The following NEU4 variants were observed in gnomAD, a reference collection of about 807,000 sequenced individuals.
NEU4 encodes neuraminidase 4.
NEU4 carries 7 observed loss-of-function variants against 9.9 expected under a neutral mutation model. The observed-to-expected ratio is 0.71, with a 90% CI of 0.40 to 1.33. The LOEUF is 1.33. NEU4 is among the 40% of genes most tolerant of loss of function. NEU4 has a pLI of 0.01. For synonymous variants in NEU4, 348 were observed against 316.9 expected (o/e 1.10, Z -1.04); for missense variants, 717 against 712.6 (o/e 1.01, Z -0.07).
At chr2:241,811,617 C>T (rs1453598884) in intron 1 of NEU4, 2 of 545,202 alleles carry the variant, frequency 3.7e-6, no homozygotes, top group African/African-American at 3.9e-5. Context: ...GGTGGCTCCT[C>T]AGCTCTCAAA....
chr2:241,816,317 C>G lies in NEU4; in HGVS notation c.724C>G (p.Arg242Gly). Residue 242 changes from arginine to glycine, a missense_variant, in exon 4 of 4, where the codon CGG becomes GGG. Coordinates refer to ENST00000407683, the MANE Select transcript of NEU4 (RefSeq NM_001167600.3). Reference protein sequence around the residue: ...QAGSFLYCNARSPLGSRVQAL... With the variant: ...QAGSFLYCNAGSPLGSRVQAL... ...CGGCAGCTTCCTCTACTGCAATGCC[C>G]GGAGCCCACTGGGCAGCCGTGTGCA... 1 of 1,577,138 alleles carries G rather than the reference C, an allele frequency of 6.3e-7. No individual in the cohort carries two copies. Among genetic ancestry groups the G allele is most frequent in the Non-Finnish European group, 8.6e-7 (1 of 1,163,562 alleles).
At chr2:241,811,691 A>G (rs901841692) in intron 1 of NEU4, 9 of 397,202 alleles carry the variant, frequency 2.3e-5, no homozygotes, top group African/African-American at 1.2e-4. Context: ...GCATCTCCCA[A>G]TGGGACACTT....
At chr2:241,811,313 G>T in intron 1 of NEU4, 1 of 1,329,492 alleles carries the variant, frequency 7.5e-7, no homozygotes. Flanking sequence ...GTGGAGCCGT[G>T]CCACCGTGGG....
At position 241,816,000 on chromosome 2, in the gene NEU4, C is replaced by CCGACCT. The variant is rs576082160; in HGVS notation, c.458-48_458-43dup. 5,041 of 1,507,766 alleles carry CCGACCT rather than the reference C, an allele frequency of 3.3e-3. 21 individuals carry two copies. The highest frequency in any genetic ancestry group is 3.9e-3 in the Middle Eastern group (18 of 4,626). 93.4% of individuals were successfully genotyped at this position (1,507,766 alleles called of 1,614,324 possible). A position where few individuals can be genotyped will look rare whatever the true frequency, so the allele number is the denominator to read the frequency against. ...TCCCCCTGTGCCTTCCTCCAGCCCC[C>CCGACCT]CGACCTCGGGGACCCAGCAGCCCCT... On this transcript the variant is annotated intron_variant, in intron 3 of 3. Transcript: ENST00000407683.
At chr2:241,811,499 C>T (rs939760675) in intron 1 of NEU4, 1 of 1,478,978 alleles carries the variant, frequency 6.8e-7, no homozygotes, top group Non-Finnish European at 9.1e-7. Flanking sequence ...CACCCTCACC[C>T]CTCTACCCGG....
chr2:241,817,026 G>C lies in NEU4; in HGVS notation c.1433G>C (p.Arg478Pro), dbSNP rs764606838. The stretch of plus-strand genomic sequence containing the variant: ...CCGCCCAACCTTGGGGACAAGCCTC[G>C]GGGGTGCTGCTGGCCCTCCTGACAG... ...PKPPNLGDKP[R>P]GCCWPS is the part of the protein sequence containing the mutation. The change falls in exon 4 of 4, where the codon CGG becomes CCG. Residue 478 changes from arginine (R) to proline (P), a missense_variant. By Grantham distance (103) the Arg-to-Pro change is moderately radical. Transcript: ENST00000407683. 1.5e-4 allele frequency: 240 copies of C among 1,598,356 alleles called. No individual in the cohort carries two copies. Among genetic ancestry groups the C allele is most frequent in the Non-Finnish European group, 1.9e-4 (222 of 1,172,848 alleles).
intron 3 of NEU4, 56 bp from the exon 4 acceptor site, chr2:241,815,995 G>A: frequency 6.7e-7 from 1 of 1,486,146 alleles, no homozygotes; most frequent in South Asian, 1.3e-5. Flanking sequence ...CCTTCCTCCA[G>A]CCCCCCGACC....
In NEU4 at chr2:241,816,770, G is replaced by T; in HGVS notation, c.1177G>T (p.Gly393Cys). 1 of 1,584,942 alleles carries T rather than the reference G, an allele frequency of 6.3e-7. No individual in the cohort carries two copies. Among genetic ancestry groups the T allele is most frequent in the African/African-American group, 1.3e-5 (1 of 74,286 alleles). The change falls in exon 4 of 4, where the codon GGT (glycine) becomes TGT (cysteine). Residue 393 changes from glycine (G) to cysteine (C), a missense_variant. Transcript: ENST00000407683. Reference protein sequence around the residue: ...PVGRRARLHMGIRLSQSPLDP... With the variant: ...PVGRRARLHMCIRLSQSPLDP... ...GGGGCGCAGGGCTCGGCTACACATG[G>T]GTATCCGCCTGAGCCAGTCCCCGCT...
At chr2:241,815,684 C>T (rs1219083763) in intron 3 of NEU4, 1 of 530,850 alleles carries the variant, frequency 1.9e-6, no homozygotes, top group Non-Finnish European at 3.6e-6. Context: ...CCACCCCATC[C>T]TCTGTGGCCA....
At position 241,816,959 on chromosome 2, in the gene NEU4, TC is replaced by T. The variant is rs751664805; in HGVS notation, c.1369del (p.Leu457CysfsTer107). ...TGATGAGATTTCCTTTTGTACATTC[TC>T]CCTGCGTGAGGTCCTGGAGAACGTG... ...SYDEISFCTF[S>X]LREVLENVPA... On this transcript the variant is annotated frameshift_variant, in exon 4 of 4. Transcript: ENST00000407683. LOFTEE classifies it low-confidence loss of function (END_TRUNC). 3 of 1,612,660 alleles carry T rather than the reference TC, an allele frequency of 1.9e-6. No individual in the cohort carries two copies. Among genetic ancestry groups the T allele is most frequent in the South Asian group, 2.2e-5 (2 of 91,054 alleles).
chr2:241,812,247 A>AC (rs1273337313), intron 1 of NEU4, among the ~76,000 whole-genome samples: 10 of 151,534 alleles, frequency 6.6e-5, no homozygotes, highest in Admixed American at 1.3e-4. Context: ...AGCCAGAGTG[A>AC]CCCCTACAAC....
Position 241,815,097 on chromosome 2 carries a change from G to A in NEU4, c.407G>A (p.Trp136Ter), listed in dbSNP as rs767947730. 6.3e-6 allele frequency: 10 copies of A among 1,579,168 alleles called. No individual in the cohort carries two copies. The African/African-American group carries it at 1.2e-4, about 19-fold the overall frequency. Residue 136 changes from tryptophan to a stop codon, truncating the protein, a stop_gained, in exon 3 of 4, where the codon TGG becomes TAG. Transcript: ENST00000407683. LOFTEE classifies it low-confidence loss of function (END_TRUNC). The stretch of plus-strand genomic sequence containing the variant: ...GCCAGCCGTGACGCCGGCCTCTCGT[G>A]GGGCAGCGCCCGGGACCTCACCGAG... ...CVASRDAGLS[W>*]GSARDLTEEA... is the part of the protein sequence containing the mutation.
chr2:241,815,525 A>C, intron 3 of NEU4: 1 of 489,412 alleles, frequency 2.0e-6, no homozygotes, highest in Non-Finnish European at 4.1e-6. Context: ...CCCCCCGCTA[A>C]TCTCTTTATC....
rs1035898733 is a variant in NEU4 at position 241,817,254 on chromosome 2, G to T, written c.*206G>T. ...GAGTGAGCAGGGCAGGGTGGGGGCA[G>T]GGTGGGGGCACGAAGTGGGCCCTGG... On this transcript the variant is annotated 3_prime_UTR_variant, in exon 4 of 4. Coordinates refer to ENST00000407683, the MANE Select transcript of NEU4 (RefSeq NM_001167600.3). The T allele has an allele frequency of 1.9e-6, 1 of 540,496 alleles. No individual in the cohort carries two copies. 33.5% of individuals were successfully genotyped at this position (540,496 alleles called of 1,614,324 possible). A position where few individuals can be genotyped will look rare whatever the true frequency, so the allele number is the denominator to read the frequency against.
At chr2:241,811,704 C>T in intron 1 of NEU4, 2 of 397,058 alleles carry the variant, frequency 5.0e-6, no homozygotes. Context: ...GGACACTTAC[C>T]TGGCCCACAG....
chr2:241,810,676 A>G (rs1700083576), intron 1 of NEU4: 1 of 158,558 alleles, frequency 6.3e-6, no homozygotes, highest in African/African-American at 2.4e-5. Flanking sequence ...GCTGCCTCTG[A>G]AATGGCAGGC....
At chr2:241,811,239 G>T (rs1021130854) in intron 1 of NEU4, 7 of 1,252,044 alleles carry the variant, frequency 5.6e-6, no homozygotes, top group Non-Finnish European at 6.0e-6. Flanking sequence ...AGCCTGTGCT[G>T]GTCCCGGGCG....
In NEU4 at chr2:241,817,106, G is replaced by A. The variant is rs148675745; in HGVS notation, c.*58G>A. The A allele has an allele frequency of 1.1e-4, 167 of 1,462,702 alleles. No homozygotes were observed. In the East Asian group the frequency reaches 3.4e-3, roughly 30 times the overall value. The allele number at this position is 1,462,702 out of a possible 1,614,324, so 90.6% of individuals were successfully genotyped here. A position where few individuals can be genotyped will look rare whatever the true frequency, so the allele number is the denominator to read the frequency against. The stretch of plus-strand genomic sequence containing the variant: ...TGCCTGGGGCAGAGGGGTGGAATAC[G>A]TTGGGGTGCCCCACGATAGCTGTGG... On this transcript the variant is annotated 3_prime_UTR_variant, in exon 4 of 4. Coordinates refer to ENST00000407683, the MANE Select transcript of NEU4 (RefSeq NM_001167600.3).
rs774451431 is a variant in NEU4, at chr2:241,814,626, G to A, written c.142G>A (p.Asp48Asn). 7 of 1,600,272 alleles carry A rather than the reference G, an allele frequency of 4.4e-6. No homozygotes were observed. The highest frequency in any genetic ancestry group is 1.3e-5 in the African/African-American group (1 of 74,748). ...AFVEQRLSPD[D>N]SHAHRLVLRR... ...TGTGGAGCAGCGGCTCAGCCCTGAC[G>A]ACTCCCACGCCCACCGCCTGGTGCT... The change falls in exon 2 of 4, where the codon GAC becomes AAC. Residue 48 changes from aspartate to asparagine, a missense_variant. Physicochemically the swap from Asp to Asn is conservative, Grantham distance 23 (BLOSUM62 1). Transcript: ENST00000407683.
Sources: allele counts gnomAD v4.1 joint callset (sites outside exome capture counted in the v4.1 genomes callset), GRCh38; gene constraint gnomAD v4.1.1; transcripts MANE v1.5; gene names NCBI Gene and HGNC (gene_info 2026-07-23, HGNC 2026-07-21).